Variants in SMOC1 observed in about 807,000 individuals in gnomAD.
The protein encoded by SMOC1 is SPARC related modular calcium binding 1.
A neutral mutation model predicts 56.3 loss-of-function variants in SMOC1; 22 were observed. That is an observed-to-expected ratio of 0.39 (90% confidence interval 0.28 to 0.56). SMOC1 has a LOEUF of 0.56. SMOC1 is among the 20% of genes least tolerant of loss of function. The pLI is 0.61. For missense variants in SMOC1, 509 were observed against 565.4 expected (o/e 0.90, Z 1.01); for synonymous variants, 193 against 215.0 (o/e 0.90, Z 0.89).
chr14:69,961,188 C>A (rs1883356529), intron 3 of SMOC1, among the ~76,000 whole-genome samples: 1 of 148,642 alleles, frequency 6.7e-6, no homozygotes. Context: ...TTAGTTTAAT[C>A]AGCATAATGT....
intron 3 of SMOC1, among the ~76,000 whole-genome samples, chr14:69,963,182 C>T (rs1016886002): frequency 6.6e-6 from 1 of 152,012 alleles, no homozygotes; most frequent in Admixed American, 6.6e-5. Flanking sequence ...GGTTGTTCTG[C>T]ACCCATGTAT....
intron 1 of SMOC1, among the ~76,000 whole-genome samples, chr14:69,922,359 G>C (rs1273098748): frequency 2.0e-5 from 3 of 152,222 alleles, no homozygotes; most frequent in African/African-American, 7.2e-5. Context: ...TAAAGGTCTT[G>C]TGCATTATTA....
chr14:69,884,165 C>T (rs1365071528), intron 1 of SMOC1, among the ~76,000 whole-genome samples: 1 of 152,060 alleles, frequency 6.6e-6, no homozygotes, highest in Non-Finnish European at 1.5e-5. Context: ...CTCGGCCTCC[C>T]AAAGTGTTGG....
chr14:69,982,897 C>A (rs1050680378), intron 5 of SMOC1, among the ~76,000 whole-genome samples: 43 of 152,216 alleles, frequency 2.8e-4, no homozygotes, highest in Non-Finnish European at 2.6e-4. Flanking sequence ...CCTGCTGAAA[C>A]AGAACTGTGC....
chr14:70,011,463 C>G lies in SMOC1; in HGVS notation c.858-22C>G. 2 of 1,576,954 alleles carry G rather than the reference C, an allele frequency of 1.3e-6. 1 individual carries two copies. Among genetic ancestry groups the G allele is most frequent in the Non-Finnish European group, 1.7e-6 (2 of 1,146,792 alleles). ...TCAGTTGCCAGCCCCTCCCAACCCCCCCCATATCTCTCTTTTCCCAGCTAC... is the reference window on the plus strand; with the variant it reads ...TCAGTTGCCAGCCCCTCCCAACCCCGCCCATATCTCTCTTTTCCCAGCTAC... On this transcript the variant is annotated intron_variant, in intron 8 of 11. Transcript: ENST00000361956.
chr14:69,899,278 T>C (rs574705156), intron 1 of SMOC1, among the ~76,000 whole-genome samples: 1 of 152,302 alleles, frequency 6.6e-6, no homozygotes, highest in Admixed American at 6.5e-5. Context: ...CATGTTCAAT[T>C]GTAATCCCCA....
intron 1 of SMOC1, chr14:69,885,748 C>G: frequency 1.3e-6 from 2 of 1,490,036 alleles, no homozygotes; most frequent in Non-Finnish European, 1.9e-6. Context: ...CAGGTGGTCT[C>G]TTCTTCGGGA....
chr14:69,921,649 A>G (rs777147698), intron 1 of SMOC1, among the ~76,000 whole-genome samples: 22 of 152,078 alleles, frequency 1.4e-4, no homozygotes, highest in Non-Finnish European at 3.1e-4. Flanking sequence ...GCTGACATAA[A>G]CCTTAGGAGA....
Position 69,994,442 on chromosome 14 carries a change from AG to A in SMOC1, c.628del (p.Asp210ThrfsTer4). ...CTATGGATTAAACACTTGGTGATCA[AG>A]GACTCCAAACTGAACAACACCAACA... ...PTLWIKHLVIKDSKLNNTNIR... is the reference protein window; with the variant it reads ...PTLWIKHLVIXDSKLNNTNIR... On this transcript the variant is annotated frameshift_variant, in exon 7 of 12. Transcript: ENST00000361956. LOFTEE classifies it high-confidence loss of function. 1 of 1,614,050 alleles carries A rather than the reference AG, an allele frequency of 6.2e-7. No homozygotes were observed. The highest frequency in any genetic ancestry group is 8.5e-7 in the Non-Finnish European group (1 of 1,179,932).
At chr14:69,918,458 A>T (rs1054526099) in intron 1 of SMOC1, among the ~76,000 whole-genome samples, 1 of 152,008 alleles carries the variant, frequency 6.6e-6, no homozygotes, top group Non-Finnish European at 1.5e-5. Flanking sequence ...GAACTCCTGA[A>T]TTCAAGCAAT....
intron 2 of SMOC1, among the ~76,000 whole-genome samples, 161 bp from the exon 3 acceptor site, chr14:69,953,259 G>A (rs945188174): frequency 2.0e-5 from 3 of 152,238 alleles, no homozygotes; most frequent in African/African-American, 7.2e-5. Context: ...GGGAAGGGGG[G>A]CTGTGCAGCA....
chr14:70,012,769 T>A (rs1054508444), intron 9 of SMOC1, among the ~76,000 whole-genome samples: 1 of 152,212 alleles, frequency 6.6e-6, no homozygotes, highest in African/African-American at 2.4e-5. Context: ...TAGAAGGTTC[T>A]TCTGTGCTTT....
intron 4 of SMOC1, among the ~76,000 whole-genome samples, chr14:69,976,309 G>T (rs548263862): frequency 7.9e-5 from 12 of 152,124 alleles, no homozygotes; most frequent in Non-Finnish European, 1.5e-4. Context: ...GAAAATTTTC[G>T]TAACAGTGGC....
intron 1 of SMOC1, among the ~76,000 whole-genome samples, chr14:69,887,917 T>C (rs1883854238): frequency 1.3e-5 from 2 of 152,182 alleles, no homozygotes; most frequent in African/African-American, 4.8e-5. Flanking sequence ...GTTTGATGCC[T>C]GTCTTTATTC....
At chr14:69,973,266 G>A (rs893424518) in intron 3 of SMOC1, among the ~76,000 whole-genome samples, 1 of 152,146 alleles carries the variant, frequency 6.6e-6, no homozygotes, top group Non-Finnish European at 1.5e-5. Flanking sequence ...TTCTGGCATC[G>A]CTGAGAACAA....
At chr14:69,889,003 G>A (rs988309187) in intron 1 of SMOC1, among the ~76,000 whole-genome samples, 1 of 152,178 alleles carries the variant, frequency 6.6e-6, no homozygotes, top group African/African-American at 2.4e-5. Flanking sequence ...CACAAGGATG[G>A]ACATGTTTTA....
At chr14:69,884,055 C>A (rs939320833) in intron 1 of SMOC1, among the ~76,000 whole-genome samples, 2 of 151,016 alleles carry the variant, frequency 1.3e-5, no homozygotes, top group African/African-American at 4.9e-5. Context: ...TACAGGCGCC[C>A]GCCACCGCGC....
Position 69,879,437 on chromosome 14 carries a change from C to G in SMOC1, c.-242C>G, listed in dbSNP as rs138317264. On this transcript the variant is annotated 5_prime_UTR_variant, in exon 1 of 12. Coordinates refer to ENST00000361956, the MANE Select transcript of SMOC1 (RefSeq NM_001034852.3). The stretch of plus-strand genomic sequence containing the variant: ...GCTCAGGCGTCCAACCTGCTGCCGC[C>G]TGGGCCCCGCCGAGCGGAGCTAGCG... The G allele has an allele frequency of 0.02, 7,561 of 382,368 alleles. 90 individuals carry two copies. Among genetic ancestry groups the G allele is most frequent in the Non-Finnish European group, 0.027 (5,868 of 217,912 alleles). The allele number at this position is 382,368 out of a possible 1,614,324, so 23.7% of individuals were successfully genotyped here.
chr14:69,908,059 G>C (rs764434624), intron 1 of SMOC1, among the ~76,000 whole-genome samples: 21 of 152,216 alleles, frequency 1.4e-4, no homozygotes, highest in Non-Finnish European at 2.8e-4. Flanking sequence ...TGAATCAACT[G>C]TGGCACAGAT....
Sources: gnomAD v4.1 joint callset for allele counts (sites outside exome capture counted in the v4.1 genomes callset) on GRCh38, gnomAD v4.1.1 for gene constraint, MANE v1.5 for transcripts, NCBI Gene and HGNC (gene_info 2026-07-23, HGNC 2026-07-21) for gene names.